ARHGEF10: variants seen among roughly 807,000 people sequenced by gnomAD.
ARHGEF10 encodes Rho guanine nucleotide exchange factor (GEF) 10.
A neutral mutation model predicts 147.4 loss-of-function variants in ARHGEF10; 140 were observed. The ratio of observed to expected loss-of-function variants is 0.95; its 90% CI spans 0.83 to 1.09. The LOEUF is 1.09. ARHGEF10 is among the 50% of genes least tolerant of loss of function. The pLI, the probability that ARHGEF10 is intolerant of heterozygous loss-of-function variation, is 0.00. For synonymous variants in ARHGEF10, 902 were observed against 695.8 expected (o/e 1.30, Z -4.67); for missense variants, 2,222 against 1,752.7 (o/e 1.27, Z -4.78).
At chr8:1,898,291 C>G (rs952470654) in intron 14 of ARHGEF10, 142 bp from the exon 15 acceptor site, 227 of 759,026 alleles carry the variant, frequency 3.0e-4, no homozygotes, top group Non-Finnish European at 4.6e-4. Flanking sequence ...AGGTATTTGG[C>G]CAAGTTTCTT....
At chr8:1,844,134 C>G (rs1333780671) in intron 2 of ARHGEF10, among the ~76,000 whole-genome samples, 2 of 151,998 alleles carry the variant, frequency 1.3e-5, no homozygotes, top group Non-Finnish European at 2.9e-5. Flanking sequence ...CGTTGCAGGT[C>G]TGGGGGGTGA....
intron 1 of ARHGEF10, among the ~76,000 whole-genome samples, chr8:1,835,762 G>A (rs990831746): frequency 6.6e-6 from 1 of 152,156 alleles, no homozygotes; most frequent in African/African-American, 2.4e-5. Flanking sequence ...GAGCGCAGTG[G>A]CTGTGCTGTG....
At chr8:1,836,416 C>T (rs1803583934) in intron 1 of ARHGEF10, among the ~76,000 whole-genome samples, 2 of 152,220 alleles carry the variant, frequency 1.3e-5, no homozygotes, top group Admixed American at 6.5e-5. Flanking sequence ...CAGCCCAGCC[C>T]CACCATTGAA....
rs759424714 is a variant in ARHGEF10, at chr8:1,945,545, G to A, written c.3287G>A (p.Gly1096Glu). ...VISHMAVSGV[G>E]IWIAFTSGST... ...TCCCACATGGCCGTGTCCGGCGTCG[G>A]GATCTGGATTGCCTTCACCTCAGGG... The change falls in exon 27 of 29, where the codon GGG becomes GAG. Residue 1096 changes from glycine (G) to glutamate (E), a missense_variant. By Grantham distance (98) the Gly-to-Glu change is moderately conservative. Transcript: ENST00000349830. 3.5e-5 allele frequency: 56 copies of A among 1,614,096 alleles called. No homozygotes were observed. The highest frequency in any genetic ancestry group is 4.5e-5 in the Non-Finnish European group (53 of 1,180,048).
At chr8:1,876,784 A>AC in intron 8 of ARHGEF10, 50 bp downstream of exon 8, 4 of 1,593,034 alleles carry the variant, frequency 2.5e-6, no homozygotes, top group Non-Finnish European at 3.4e-6. Flanking sequence ...GTTAACACGG[A>AC]CAGGGGGCTG....
intron 6 of ARHGEF10, among the ~76,000 whole-genome samples, chr8:1,868,204 G>T (rs1806781018): frequency 6.6e-6 from 1 of 152,222 alleles, no homozygotes; most frequent in African/African-American, 2.4e-5. Context: ...GACAACAGCA[G>T]CAGATAAGGA....
At position 1,948,343 on chromosome 8, in the gene ARHGEF10, G is replaced by A. The variant is rs1046867038; in HGVS notation, c.3397+2688G>A. On this transcript the variant is annotated intron_variant, in intron 27 of 28. Transcript: ENST00000349830. This position sits in a 1 kb window ranked among gnomAD's most constrained non-coding sequence, Gnocchi z 4.9. Reference sequence around the variant, plus strand: ...TCAGGTCTGCATTTTAGACCCGCATGAAAGCAAACACATGAGTCTGTCCAG... The same window carrying A: ...TCAGGTCTGCATTTTAGACCCGCATAAAAGCAAACACATGAGTCTGTCCAG... Among the ~76,000 whole-genome samples, 1 of 152,330 alleles carries A rather than the reference G, an allele frequency of 6.6e-6. No homozygotes were observed. The highest frequency in any genetic ancestry group is 1.9e-4 in the East Asian group (1 of 5,168).
chr8:1,930,077 C>T lies in ARHGEF10; in HGVS notation c.3079+634C>T, dbSNP rs1266489903. Reference sequence around the variant, plus strand: ...CCGCTGCTTGTGGGAGCTCTGGGTACGGGGCTTTCCTTCCAGCTTCCTTGG... The same window carrying T: ...CCGCTGCTTGTGGGAGCTCTGGGTATGGGGCTTTCCTTCCAGCTTCCTTGG... On this transcript the variant is annotated intron_variant, in intron 25 of 28. Transcript: ENST00000349830. Among the ~76,000 whole-genome samples the T allele has an allele frequency of 2.0e-5, 3 of 152,090 alleles. 1 individual carries two copies. Among genetic ancestry groups the T allele is most frequent in the East Asian group, 1.9e-4 (1 of 5,164 alleles).
intron 2 of ARHGEF10, among the ~76,000 whole-genome samples, chr8:1,854,400 A>C (rs908880944): frequency 5.9e-5 from 9 of 152,196 alleles, no homozygotes; most frequent in African/African-American, 2.2e-4. Context: ...ATTGAGCACA[A>C]CTTCTTTGAG....
intron 26 of ARHGEF10, among the ~76,000 whole-genome samples, chr8:1,944,855 T>G (rs4472563): frequency 0.78 from 119,285 of 152,218 alleles, 46,901 homozygotes; most frequent in Admixed American, 0.83. Flanking sequence ...GAGGCCATGT[T>G]GGGGGGTCGC....
Position 1,889,754 on chromosome 8 carries a change from A to T in ARHGEF10, c.1183-3815A>T, listed in dbSNP as rs142038932. 4.5e-5 allele frequency among the ~76,000 whole-genome samples: 2 copies of T among 44,420 alleles called. 1 individual carries two copies. Among genetic ancestry groups the T allele is most frequent in the Non-Finnish European group, 8.8e-5 (2 of 22,758 alleles). 29.1% of individuals were successfully genotyped at this position (44,420 alleles called of 152,430 possible). Reference sequence around the variant, plus strand: ...GGGTTGCGAGGAGACATTGAGTGGGATGAGGGTTGTGAGGAGACACTGAGT... The same window carrying T: ...GGGTTGCGAGGAGACATTGAGTGGGTTGAGGGTTGTGAGGAGACACTGAGT... On this transcript the variant is annotated intron_variant, in intron 11 of 28. Transcript: ENST00000349830.
chr8:1,952,896 G>A, intron 28 of ARHGEF10, 69 bp downstream of exon 28: 2 of 1,604,736 alleles, frequency 1.2e-6, no homozygotes, highest in Non-Finnish European at 1.7e-6. Context: ...GCAGTGTGTA[G>A]TGTGATTTAA....
At chr8:1,898,387 G>A (rs1317517871) in intron 14 of ARHGEF10, 46 bp from the exon 15 acceptor site, 5 of 1,562,610 alleles carry the variant, frequency 3.2e-6, no homozygotes, top group East Asian at 2.2e-5. Flanking sequence ...GGCAGGGAGG[G>A]CATGGCAGCC....
intron 7 of ARHGEF10, among the ~76,000 whole-genome samples, chr8:1,874,596 T>C (rs1372022599): frequency 3.3e-5 from 5 of 152,042 alleles, no homozygotes; most frequent in African/African-American, 7.2e-5. Context: ...TCCAGATACA[T>C]ACCGGGGTGT....
rs905749068 is a variant in ARHGEF10, at chr8:1,951,228, C to G, written c.3398-1477C>G. On this transcript the variant is annotated intron_variant, in intron 27 of 28. Transcript: ENST00000349830. ...TGCGGCTGCGCCCCGGGCTGCTCCC[C>G]GTGTTGTAGAGCGGTCAGCACTTCG... Among the ~76,000 whole-genome samples, 36 of 152,370 alleles carry G rather than the reference C, an allele frequency of 2.4e-4. No individual in the cohort carries two copies. The Middle Eastern group carries it at 0.01, about 43-fold the overall frequency.
chr8:1,877,323 G>A (rs888680994), intron 8 of ARHGEF10, among the ~76,000 whole-genome samples: 1 of 152,128 alleles, frequency 6.6e-6, no homozygotes, highest in African/African-American at 2.4e-5. Context: ...TGCCTCCCAG[G>A]TTTAAGCCAT....
At chr8:1,873,566 C>T (rs1585343174) in intron 7 of ARHGEF10, among the ~76,000 whole-genome samples, 1 of 110,798 alleles carries the variant, frequency 9.0e-6, no homozygotes, top group South Asian at 2.7e-4. Context: ...TTGAGAGGTG[C>T]CGCGGGGTAG....
chr8:1,867,014 C>T (rs62477522), intron 6 of ARHGEF10, among the ~76,000 whole-genome samples: 1 of 150,742 alleles, frequency 6.6e-6, no homozygotes, highest in Admixed American at 6.6e-5. Context: ...GGGTGGGCCT[C>T]CCTTTTTTTT....
chr8:1,875,279 A>G (rs1807596841), intron 7 of ARHGEF10, among the ~76,000 whole-genome samples: 1 of 151,810 alleles, frequency 6.6e-6, no homozygotes, highest in African/African-American at 2.4e-5. Context: ...GTTCTAAGAC[A>G]GGCTGGAGGA....
Sources: gnomAD v4.1 joint callset for allele counts (sites outside exome capture counted in the v4.1 genomes callset) on GRCh38, gnomAD v4.1.1 for gene constraint, Gnocchi (gnomAD v3.1) non-coding constraint, MANE v1.5 for transcripts, NCBI Gene and HGNC (gene_info 2026-07-23, HGNC 2026-07-21) for gene names.